The following IMMP2L variants were observed in gnomAD, a reference collection of about 807,000 sequenced individuals.
IMMP2L encodes the protein inner mitochondrial membrane peptidase subunit 2, also known as mitochondrial inner membrane protease subunit 2.
In IMMP2L, 18 loss-of-function variants were observed where a neutral mutation model predicts 19.3. That is an observed-to-expected ratio of 0.93 (90% CI 0.64 to 1.38). IMMP2L has a LOEUF of 1.38. Among genes scored for constraint, IMMP2L ranks in the 40% most tolerant of loss-of-function variants. The pLI, the probability that IMMP2L is intolerant of heterozygous loss-of-function variation, is 0.00. For synonymous variants in IMMP2L, 76 were observed against 73.0 expected (o/e 1.04, Z -0.21); for missense variants, 233 against 218.2 (o/e 1.07, Z -0.43).
At chr7:111,182,343 T>C (rs565896378) in intron 3 of IMMP2L, among the ~76,000 whole-genome samples, 2 of 152,030 alleles carry the variant, frequency 1.3e-5, no homozygotes, top group Admixed American at 1.3e-4. Flanking sequence ...TTTGGTCCTA[T>C]GAAAACTAAG....
intron 2 of IMMP2L, among the ~76,000 whole-genome samples, chr7:111,502,005 C>T (rs1339916479): frequency 6.6e-6 from 1 of 152,134 alleles, no homozygotes; most frequent in Non-Finnish European, 1.5e-5. Flanking sequence ...GCTAAATGCT[C>T]CAATTAAAAG....
chr7:110,912,800 A>C (rs1255187502), intron 4 of IMMP2L, among the ~76,000 whole-genome samples: 1 of 152,024 alleles, frequency 6.6e-6, no homozygotes, highest in Admixed American at 6.6e-5. Context: ...TCTAGCCTGA[A>C]AGTAAAGTAG....
chr7:111,113,712 A>C (rs1203146507), intron 3 of IMMP2L, among the ~76,000 whole-genome samples: 1 of 152,120 alleles, frequency 6.6e-6, no homozygotes, highest in Non-Finnish European at 1.5e-5. Flanking sequence ...GGTCTACATG[A>C]GACACACATT....
intron 5 of IMMP2L, among the ~76,000 whole-genome samples, chr7:110,835,959 C>A (rs1388816918): frequency 2.0e-5 from 3 of 152,016 alleles, no homozygotes; most frequent in African/African-American, 7.2e-5. Flanking sequence ...TACATTTACA[C>A]CCAGGGCAAC....
At chr7:110,959,596 A>C (rs1818722459) in intron 4 of IMMP2L, among the ~76,000 whole-genome samples, 1 of 151,898 alleles carries the variant, frequency 6.6e-6, no homozygotes, top group Admixed American at 6.6e-5. Flanking sequence ...AGAAGTTTTT[A>C]ATTTTCTTTA....
At chr7:111,488,352 C>A (rs1437676132) in intron 2 of IMMP2L, among the ~76,000 whole-genome samples, 1 of 152,106 alleles carries the variant, frequency 6.6e-6, no homozygotes, top group Non-Finnish European at 1.5e-5. Context: ...CATTTTCCCC[C>A]AAGTCCCCAA....
At chr7:110,883,557 T>A (rs1276149473) in intron 5 of IMMP2L, among the ~76,000 whole-genome samples, 2 of 152,136 alleles carry the variant, frequency 1.3e-5, no homozygotes, top group Non-Finnish European at 2.9e-5. Context: ...GCCTCTGAAT[T>A]ATTCAGTTAT....
At chr7:111,166,535 T>C (rs1247782319) in intron 3 of IMMP2L, among the ~76,000 whole-genome samples, 1 of 152,022 alleles carries the variant, frequency 6.6e-6, no homozygotes, top group Non-Finnish European at 1.5e-5. Context: ...CCTAAGGTAG[T>C]GCCAACTGCA....
intron 5 of IMMP2L, among the ~76,000 whole-genome samples, chr7:110,742,294 A>G (rs1027961173): frequency 2.6e-5 from 4 of 152,168 alleles, no homozygotes; most frequent in Non-Finnish European, 5.9e-5. Context: ...AGGCTTAAAA[A>G]TGTTTATATA....
chr7:110,878,292 A>G (rs893502722), intron 5 of IMMP2L, among the ~76,000 whole-genome samples: 2 of 152,196 alleles, frequency 1.3e-5, no homozygotes, highest in African/African-American at 4.8e-5. Context: ...TACTCTTTAC[A>G]TTGACAAGCA....
At chr7:111,478,839 G>T (rs1841940613) in intron 3 of IMMP2L, among the ~76,000 whole-genome samples, 1 of 152,118 alleles carries the variant, frequency 6.6e-6, no homozygotes, top group Non-Finnish European at 1.5e-5. Context: ...CTTCTAATAT[G>T]CATGGTATAA....
At chr7:111,067,635 G>T (rs1226032260) in intron 3 of IMMP2L, among the ~76,000 whole-genome samples, 2 of 152,070 alleles carry the variant, frequency 1.3e-5, no homozygotes, top group African/African-American at 4.8e-5. Context: ...TTATTTTACT[G>T]TTGGCAAGGT....
rs1035765576 is a variant in IMMP2L, at chr7:111,525,455, G to T, written c.-2-4006C>A. 3.9e-5 allele frequency among the ~76,000 whole-genome samples: 6 copies of T among 152,138 alleles called. No individual in the cohort carries two copies. The South Asian group carries it at 1.2e-3, about 32-fold the overall frequency. On this transcript the variant is annotated intron_variant, in intron 1 of 5. Coordinates refer to ENST00000405709, the MANE Select transcript of IMMP2L (RefSeq NM_032549.4). ...GAAATGTTCTAAAATTGAGGTGAAT[G>T]ATCCTATCTGCATTTTGAAATAATC... is the stretch of plus-strand genomic sequence containing the variant.
chr7:111,397,955 T>C (rs947970187), intron 3 of IMMP2L, among the ~76,000 whole-genome samples: 1 of 152,176 alleles, frequency 6.6e-6, no homozygotes, highest in Non-Finnish European at 1.5e-5. Context: ...TATGAAATAA[T>C]TCATTTATAC....
intron 4 of IMMP2L, among the ~76,000 whole-genome samples, chr7:110,942,560 A>G (rs1816843664): frequency 6.6e-6 from 1 of 151,930 alleles, no homozygotes; most frequent in African/African-American, 2.4e-5. Context: ...CCTTCTGAAT[A>G]TATATTTAAA....
intron 3 of IMMP2L, among the ~76,000 whole-genome samples, chr7:111,119,947 G>A (rs1193254678): frequency 6.6e-6 from 1 of 152,094 alleles, no homozygotes; most frequent in Non-Finnish European, 1.5e-5. Flanking sequence ...CTTCCCAGAG[G>A]GGAGATTCTT....
At position 111,562,379 on chromosome 7, in the gene IMMP2L, G is replaced by A. The variant is rs1792190249; in HGVS notation, c.-531C>T. ...GGTCCCCAGCCCAAGAGACCACCAA[G>A]GGTCGGCGGCTACGCGCCCGCCGAC... On this transcript the variant is annotated 5_prime_UTR_variant, in exon 1 of 6. Transcript: ENST00000405709. The A allele has an allele frequency of 6.6e-6, 1 of 151,102 alleles. No homozygotes were observed. Among genetic ancestry groups the A allele is most frequent in the Non-Finnish European group, 1.5e-5 (1 of 67,506 alleles). The allele number at this position is 151,102 out of a possible 1,614,324, so 9.4% of individuals were successfully genotyped here. A position where few individuals can be genotyped will look rare whatever the true frequency, so the allele number is the denominator to read the frequency against.
In IMMP2L at chr7:111,384,249, G is replaced by GAGGAGAA. The variant is rs760132693; in HGVS notation, c.239+102982_239+102988dup. 3.8e-5 allele frequency among the ~76,000 whole-genome samples: 4 copies of GAGGAGAA among 104,992 alleles called. 1 individual carries two copies. The allele number at this position is 104,992 out of a possible 152,430, so 68.9% of individuals were successfully genotyped here. ...GAGAAAGGAGAGAGGAGAAAGGAGAGAGGAGAAAGGAGAAAGGAGAGAGGA... is the reference window on the plus strand; with the variant it reads ...GAGAAAGGAGAGAGGAGAAAGGAGAGAGGAGAAAGGAGAAAGGAGAAAGGAGAGAGGA... On this transcript the variant is annotated intron_variant, in intron 3 of 5. Coordinates refer to ENST00000405709, the MANE Select transcript of IMMP2L (RefSeq NM_032549.4).
intron 3 of IMMP2L, among the ~76,000 whole-genome samples, chr7:111,294,437 T>G (rs1315460592): frequency 6.6e-6 from 1 of 151,952 alleles, no homozygotes; most frequent in East Asian, 1.9e-4. Flanking sequence ...GGAAGTTTTT[T>G]CAAAACAATG....
Sources: allele counts gnomAD v4.1 joint callset (sites outside exome capture counted in the v4.1 genomes callset), GRCh38; gene constraint gnomAD v4.1.1; transcripts MANE v1.5; gene names NCBI Gene and HGNC (gene_info 2026-07-23, HGNC 2026-07-21).